ST8SIA5: variants seen among roughly 807,000 people sequenced by gnomAD.
ST8SIA5 encodes the protein ST8 alpha-N-acetyl-neuraminide alpha-2,8-sialyltransferase 5.
Under a neutral mutation model 40.2 loss-of-function variants are expected in ST8SIA5, and 24 were observed. The observed-to-expected ratio is 0.60, with a 90% CI of 0.43 to 0.84. The LOEUF (loss-of-function observed/expected upper bound fraction) is 0.84, where lower values mean the gene tolerates loss of function less well. ST8SIA5 is among the 40% of genes least tolerant of loss of function. ST8SIA5 has a pLI of 0.00. For synonymous variants in ST8SIA5, 198 were observed against 201.8 expected (o/e 0.98, Z 0.16); for missense variants, 465 against 498.5 (o/e 0.93, Z 0.64).
At chr18:46,686,073 G>A (rs552252830) in intron 5 of ST8SIA5, 101 bp downstream of exon 5, 45 of 1,091,436 alleles carry the variant, frequency 4.1e-5, no homozygotes, top group Non-Finnish European at 5.7e-5. Flanking sequence ...GGTGGGAAGT[G>A]GGGATTACTT....
chr18:46,707,461 C>CA (rs768595230), intron 1 of ST8SIA5, among the ~76,000 whole-genome samples: 20 of 152,202 alleles, frequency 1.3e-4, no homozygotes, highest in African/African-American at 1.9e-4. Context: ...ATTTCCTCCA[C>CA]AAAGGCATTC....
chr18:46,713,783 T>G (rs114531662), intron 1 of ST8SIA5, among the ~76,000 whole-genome samples: 1,547 of 152,092 alleles, frequency 0.01, 24 homozygotes, highest in African/African-American at 0.035. Flanking sequence ...AACCAGGAAG[T>G]CATCAATGAC....
chr18:46,721,315 C>G (rs1271094615), intron 1 of ST8SIA5: 2 of 1,517,122 alleles, frequency 1.3e-6, no homozygotes, highest in South Asian at 2.4e-5. Flanking sequence ...CAGGGCCACC[C>G]CGGGTTGAGC....
intron 2 of ST8SIA5, among the ~76,000 whole-genome samples, chr18:46,699,424 G>A (rs1055145510): frequency 6.6e-6 from 1 of 151,530 alleles, no homozygotes; most frequent in Non-Finnish European, 1.5e-5. Context: ...CCGTCGCCCA[G>A]GCTGGAGTGC....
intron 2 of ST8SIA5, among the ~76,000 whole-genome samples, chr18:46,702,335 A>G (rs954180207): frequency 2.6e-5 from 4 of 152,106 alleles, no homozygotes; most frequent in African/African-American, 9.7e-5. Context: ...CACTAAATCA[A>G]AACTCCTTGG....
chr18:46,738,882 T>A (rs1313845140), intron 1 of ST8SIA5, among the ~76,000 whole-genome samples: 2 of 152,100 alleles, frequency 1.3e-5, no homozygotes, highest in Non-Finnish European at 2.9e-5. Context: ...TTTCGCATCC[T>A]CAAGTCTCAG....
chr18:46,701,951 G>T (rs1307901280), intron 2 of ST8SIA5, among the ~76,000 whole-genome samples: 1 of 152,120 alleles, frequency 6.6e-6, no homozygotes, highest in Non-Finnish European at 1.5e-5. Flanking sequence ...TTCAAGACCA[G>T]CCTGATCAAG....
intron 1 of ST8SIA5, among the ~76,000 whole-genome samples, chr18:46,753,228 T>C (rs2040211010): frequency 6.6e-6 from 1 of 152,064 alleles, no homozygotes; most frequent in Non-Finnish European, 1.5e-5. Flanking sequence ...ATTGAGAACA[T>C]CTTATGTGCT....
At chr18:46,746,746 A>G (rs1390817527) in intron 1 of ST8SIA5, among the ~76,000 whole-genome samples, 1 of 146,504 alleles carries the variant, frequency 6.8e-6, no homozygotes, top group African/African-American at 2.5e-5. Flanking sequence ...ACCAAAAAAG[A>G]GCCCACATTG....
Position 46,680,311 on chromosome 18 carries a change from A to G in ST8SIA5, c.862T>C (p.Tyr288His), listed in dbSNP as rs929828908. Residue 288 changes from tyrosine (Y) to histidine (H), a missense_variant, in exon 7 of 7, where the codon TAC becomes CAC. Coordinates refer to ENST00000315087, the MANE Select transcript of ST8SIA5 (RefSeq NM_013305.6). ...GCGCGCACCCCCAGGCTGAGCCAGT[A>G]GCGCGACACGTTGACCAGGTACTGC... ...HPQYLVNVSR[Y>H]WLSLGVRAKR... 2 of 1,614,110 alleles carry G rather than the reference A, an allele frequency of 1.2e-6. No homozygotes were observed. The highest frequency in any genetic ancestry group is 3.3e-5 in the Admixed American group (2 of 60,008).
intron 1 of ST8SIA5, chr18:46,723,110 C>T (rs902975876): frequency 3.2e-5 from 5 of 157,902 alleles, no homozygotes; most frequent in African/African-American, 1.2e-4. Flanking sequence ...GCAGGTTTAA[C>T]GACCAGTTTA....
At chr18:46,721,590 G>T (rs1436451438) in intron 1 of ST8SIA5, 5 of 798,412 alleles carry the variant, frequency 6.3e-6, no homozygotes, top group Non-Finnish European at 1.0e-5. Flanking sequence ...GCAATTAAAG[G>T]AGGCGATGGT....
At chr18:46,742,051 G>A (rs542105192) in intron 1 of ST8SIA5, among the ~76,000 whole-genome samples, 12 of 151,734 alleles carry the variant, frequency 7.9e-5, no homozygotes, top group Admixed American at 5.9e-4. Context: ...GCAGTGAGCC[G>A]AGATCAAGCC....
intron 2 of ST8SIA5, among the ~76,000 whole-genome samples, chr18:46,700,691 T>C (rs2039604063): frequency 6.6e-6 from 1 of 152,052 alleles, no homozygotes; most frequent in Non-Finnish European, 1.5e-5. Context: ...AAAGCCCAGC[T>C]CAGCCAGGGG....
chr18:46,750,791 T>G (rs1231969901), intron 1 of ST8SIA5, among the ~76,000 whole-genome samples: 1 of 152,124 alleles, frequency 6.6e-6, no homozygotes. Context: ...CAGACATCCT[T>G]CAAGGCTCTC....
intron 4 of ST8SIA5, among the ~76,000 whole-genome samples, chr18:46,686,579 T>C (rs1289407937): frequency 6.6e-6 from 1 of 151,686 alleles, no homozygotes; most frequent in Non-Finnish European, 1.5e-5. Context: ...GGGCCAGGCC[T>C]GCAGCCTGGG....
chr18:46,726,095 G>A (rs2039926945), intron 1 of ST8SIA5, among the ~76,000 whole-genome samples: 1 of 142,476 alleles, frequency 7.0e-6, no homozygotes, highest in Non-Finnish European at 1.5e-5. Flanking sequence ...TTGGGAGGCT[G>A]AGGCAGGAGA....
At chr18:46,699,265 T>C (rs1247981806) in intron 2 of ST8SIA5, among the ~76,000 whole-genome samples, 1 of 152,182 alleles carries the variant, frequency 6.6e-6, no homozygotes, top group Non-Finnish European at 1.5e-5. Flanking sequence ...ACTTAGGTAA[T>C]CTATAGACAG....
chr18:46,698,425 A>T (rs1212591192), intron 2 of ST8SIA5, among the ~76,000 whole-genome samples: 2 of 152,014 alleles, frequency 1.3e-5, no homozygotes, highest in Non-Finnish European at 2.9e-5. Context: ...ACAATCCCAC[A>T]ACTCACCACA....
Sources: allele counts gnomAD v4.1 joint callset (sites outside exome capture counted in the v4.1 genomes callset), GRCh38; gene constraint gnomAD v4.1.1; transcripts MANE v1.5; gene names NCBI Gene and HGNC (gene_info 2026-07-23, HGNC 2026-07-21).